Variants in CPED1 observed in about 807,000 individuals in gnomAD.
The protein encoded by CPED1 is cadherin like and PC-esterase domain containing 1, also known as cadherin-like and PC-esterase domain-containing protein 1.
CPED1 carries 114 observed loss-of-function variants against 128.2 expected under a neutral mutation model. The observed-to-expected ratio is 0.89, with a 90% CI of 0.76 to 1.04. The LOEUF (loss-of-function observed/expected upper bound fraction) is 1.04. Ranked by LOEUF, CPED1 falls within the 50% of genes least tolerant of loss-of-function variation. The pLI is 0.00. For synonymous variants in CPED1, 462 were observed against 426.7 expected (o/e 1.08, Z -1.02); for missense variants, 1,211 against 1,207.1 (o/e 1.00, Z -0.05).
chr7:120,991,791 A>T (rs1433765660), intron 2 of CPED1, among the ~76,000 whole-genome samples: 3 of 152,204 alleles, frequency 2.0e-5, no homozygotes, highest in Non-Finnish European at 4.4e-5. Context: ...AATTTCGTTT[A>T]AAAATGATTC....
chr7:121,181,832 C>A (rs538304675), intron 16 of CPED1, among the ~76,000 whole-genome samples: 3 of 152,158 alleles, frequency 2.0e-5, no homozygotes, highest in Non-Finnish European at 2.9e-5. Flanking sequence ...TAGTTCCTGG[C>A]AAGGCTGGCA....
intron 7 of CPED1, among the ~76,000 whole-genome samples, chr7:121,118,183 A>T (rs1795298970): frequency 6.6e-6 from 1 of 152,200 alleles, no homozygotes; most frequent in Admixed American, 6.5e-5. Flanking sequence ...CTTCGTTCTT[A>T]TATTTAAAAT....
Position 121,249,528 on chromosome 7 carries a change from T to C in CPED1, c.2310+5190T>C, listed in dbSNP as rs907663490. 1.1e-4 allele frequency among the ~76,000 whole-genome samples: 16 copies of C among 152,308 alleles called. No homozygotes were observed. The East Asian group carries it at 2.1e-3, about 20-fold the overall frequency. ...AGAGATTAGGGGCCTATTTCTAGCA[T>C]CTTTAAAGAAAAGAAATTCCAACCA... On this transcript the variant is annotated intron_variant, in intron 18 of 22. Transcript: ENST00000310396.
chr7:121,266,185 A>G, intron 18 of CPED1, 42 bp from the exon 19 acceptor site: 1 of 1,474,618 alleles, frequency 6.8e-7, no homozygotes, highest in South Asian at 1.1e-5. Context: ...TGTACCATGT[A>G]AACATAAGCT....
chr7:121,060,159 C>T (rs1412317631), intron 4 of CPED1, among the ~76,000 whole-genome samples: 1 of 152,216 alleles, frequency 6.6e-6, no homozygotes, highest in Non-Finnish European at 1.5e-5. Flanking sequence ...CAGTGCCAGC[C>T]CAGTGGCGCT....
chr7:121,086,823 C>T (rs1465999849), intron 5 of CPED1, among the ~76,000 whole-genome samples: 1 of 152,212 alleles, frequency 6.6e-6, no homozygotes, highest in Non-Finnish European at 1.5e-5. Context: ...ACTCCAGATC[C>T]ATGAAATTGA....
intron 14 of CPED1, among the ~76,000 whole-genome samples, chr7:121,140,088 A>G (rs1290613464): frequency 1.3e-5 from 2 of 152,104 alleles, no homozygotes; most frequent in Non-Finnish European, 2.9e-5. Flanking sequence ...ATGTGCCTAT[A>G]AAACAATTTT....
intron 2 of CPED1, among the ~76,000 whole-genome samples, chr7:121,006,443 C>A (rs1792017941): frequency 6.6e-6 from 1 of 152,008 alleles, no homozygotes; most frequent in Non-Finnish European, 1.5e-5. Context: ...AAGAAAATAA[C>A]TTCTTCCTTC....
intron 22 of CPED1, among the ~76,000 whole-genome samples, chr7:121,284,315 T>G (rs10232709): frequency 0.35 from 52,948 of 151,890 alleles, 9,350 homozygotes; most frequent in South Asian, 0.4. Flanking sequence ...GAACTAAAAC[T>G]CAAGATGAGA....
rs1585036409 is a variant in CPED1 at position 121,044,729 on chromosome 7, C to T, written c.434-2158C>T. Among the ~76,000 whole-genome samples the T allele has an allele frequency of 2.4e-5, 3 of 123,230 alleles. No individual in the cohort carries two copies. In the Admixed American group the frequency reaches 3.2e-4, roughly 13 times the overall value. 80.8% of individuals were successfully genotyped at this position (123,230 alleles called of 152,430 possible). A position where few individuals can be genotyped will look rare whatever the true frequency, so the allele number is the denominator to read the frequency against. ...GTTCACAGAAGGTTCTTTATAAATT[C>T]AATGCTTTGAATTATTTAAATGTGT... On this transcript the variant is annotated intron_variant, in intron 3 of 22. Coordinates refer to ENST00000310396, the MANE Select transcript of CPED1 (RefSeq NM_024913.5).
intron 16 of CPED1, among the ~76,000 whole-genome samples, chr7:121,171,727 A>G (rs1054357856): frequency 2.0e-5 from 3 of 152,168 alleles, no homozygotes; most frequent in Admixed American, 2.0e-4. Flanking sequence ...ATTTCCTGTA[A>G]ACACATCCTG....
At chr7:121,110,121 C>G (rs1437963952) in intron 7 of CPED1, among the ~76,000 whole-genome samples, 1 of 152,156 alleles carries the variant, frequency 6.6e-6, no homozygotes, top group Non-Finnish European at 1.5e-5. Flanking sequence ...TTAGACAAAT[C>G]TGCTTACATC....
intron 16 of CPED1, among the ~76,000 whole-genome samples, chr7:121,142,877 A>G (rs1259781124): frequency 6.6e-6 from 1 of 152,044 alleles, no homozygotes; most frequent in Non-Finnish European, 1.5e-5. Flanking sequence ...CTCAGAAAGT[A>G]TACTTGCAAA....
intron 3 of CPED1, among the ~76,000 whole-genome samples, chr7:121,021,552 C>T (rs933946208): frequency 1.6e-4 from 24 of 151,802 alleles, no homozygotes; most frequent in African/African-American, 5.6e-4. Context: ...CTTTAAATTG[C>T]CCATAAGTAA....
chr7:121,084,300 A>T (rs1184185446), intron 5 of CPED1, among the ~76,000 whole-genome samples: 2 of 152,210 alleles, frequency 1.3e-5, no homozygotes, highest in Admixed American at 1.3e-4. Context: ...CATAATTTTA[A>T]CAAACCAGTA....
intron 5 of CPED1, among the ~76,000 whole-genome samples, chr7:121,087,950 A>T (rs1794475235): frequency 6.6e-6 from 1 of 151,942 alleles, no homozygotes; most frequent in South Asian, 2.1e-4. Context: ...ATGAACCACC[A>T]TGCCTGGCCC....
intron 4 of CPED1, among the ~76,000 whole-genome samples, chr7:121,059,995 G>A (rs955965801): frequency 1.3e-5 from 2 of 152,202 alleles, no homozygotes; most frequent in Non-Finnish European, 2.9e-5. Context: ...GGGAACCCGG[G>A]CTGCGCGCGG....
intron 16 of CPED1, among the ~76,000 whole-genome samples, chr7:121,159,219 A>G (rs1796357671): frequency 6.6e-6 from 1 of 152,162 alleles, no homozygotes; most frequent in Non-Finnish European, 1.5e-5. Context: ...TTTATTGGGT[A>G]TGTAAAAAAA....
rs1428096865 is a variant in CPED1 at position 121,138,703 on chromosome 7, ACAT to A, written c.1700-2122_1700-2120del. On this transcript the variant is annotated intron_variant, in intron 14 of 22. Transcript: ENST00000310396. ...AAAATATATTCTATCAAGTTAAAGC[ACAT>A]CTTCTATGTTTTATTTTGAAAAAAG... 5.9e-5 allele frequency among the ~76,000 whole-genome samples: 9 copies of A among 152,070 alleles called. No individual in the cohort carries two copies. The South Asian group carries it at 1.7e-3, about 28-fold the overall frequency.
Sources: gnomAD v4.1 joint callset for allele counts (sites outside exome capture counted in the v4.1 genomes callset) on GRCh38, gnomAD v4.1.1 for gene constraint, MANE v1.5 for transcripts, NCBI Gene and HGNC (gene_info 2026-07-23, HGNC 2026-07-21) for gene names.